The following ATL1 variants were observed in gnomAD, a reference collection of about 807,000 sequenced individuals.
ATL1 encodes the protein atlastin-1.
Under a neutral mutation model 75.5 loss-of-function variants are expected in ATL1, and 31 were observed. The observed-to-expected ratio is 0.41, with a 90% CI of 0.31 to 0.55. The LOEUF (loss-of-function observed/expected upper bound fraction) is 0.55, where lower values mean the gene tolerates loss of function less well. Ranked by LOEUF, ATL1 falls within the 20% of genes least tolerant of loss-of-function variation. The pLI, the probability that ATL1 is intolerant of heterozygous loss-of-function variation, is 0.27. For synonymous variants in ATL1, 226 were observed against 233.3 expected, an observed-to-expected ratio of 0.97 and a Z score of 0.28; for missense variants, 405 against 662.6, an observed-to-expected ratio of 0.61 and a Z score of 4.27.
chr14:50,579,390 T>A (rs1371054774), intron 1 of ATL1, among the ~76,000 whole-genome samples: 1 of 152,228 alleles, frequency 6.6e-6, no homozygotes, highest in Non-Finnish European at 1.5e-5. Context: ...TAGATTTTAA[T>A]TATCTATTGG....
chr14:50,595,871 A>G (rs1422253215), intron 6 of ATL1, among the ~76,000 whole-genome samples: 1 of 144,592 alleles, frequency 6.9e-6, no homozygotes, highest in Non-Finnish European at 1.5e-5. Context: ...TTCTGGTTCC[A>G]GGCAAAATGT....
Position 50,591,214 on chromosome 14 carries a change from A to G in ATL1, c.417+139A>G, listed in dbSNP as rs922069314. On this transcript the variant is annotated intron_variant, in intron 3 of 13. Coordinates refer to ENST00000358385, the MANE Select transcript of ATL1 (RefSeq NM_015915.5). ...TTAAAGTGGGGTAGCATCCTATAGC[A>G]TGATCTTTGTTTCCCTTTCTTGTGA... The G allele has an allele frequency of 3.5e-5, 29 of 831,316 alleles. No individual in the cohort carries two copies. The African/African-American group carries it at 3.9e-4, about 11-fold the overall frequency. The allele number at this position is 831,316 out of a possible 1,614,324, so 51.5% of individuals were successfully genotyped here.
chr14:50,592,913 CAAA>C (rs1172812271), intron 4 of ATL1, among the ~76,000 whole-genome samples: 3 of 85,420 alleles, frequency 3.5e-5, no homozygotes, highest in East Asian at 2.9e-4. Context: ...ACTCCCGTCT[CAAA>C]AAAAAAAAAA....
intron 1 of ATL1, among the ~76,000 whole-genome samples, chr14:50,581,212 C>A (rs928340804): frequency 4.6e-5 from 7 of 151,130 alleles, no homozygotes; most frequent in African/African-American, 1.7e-4. Flanking sequence ...TGTTTCTTGA[C>A]ATAGATATTA....
rs185825731 is a variant in ATL1, at chr14:50,613,911, T to A, written c.724-462T>A. 4.6e-3 allele frequency among the ~76,000 whole-genome samples: 704 copies of A among 152,300 alleles called. 8 individuals carry two copies. Among genetic ancestry groups the A allele is most frequent in the African/African-American group, 0.016 (673 of 41,560 alleles). On this transcript the variant is annotated intron_variant, in intron 7 of 13. Transcript: ENST00000358385. ...ACATAAAGTGGGAGGTGAGGGTGAT[T>A]TAGCTTGTAAGTAAACACCCAACTA...
chr14:50,620,817 A>C, intron 9 of ATL1, 91 bp downstream of exon 9: 1 of 1,442,532 alleles, frequency 6.9e-7, no homozygotes, highest in Middle Eastern at 1.8e-4. Flanking sequence ...ACCCGATAAT[A>C]TGGGAGCAAA....
intron 1 of ATL1, among the ~76,000 whole-genome samples, chr14:50,584,730 AAAAATAAAAT>A (rs902119204): frequency 6.6e-6 from 1 of 151,496 alleles, no homozygotes; most frequent in African/African-American, 2.4e-5. Context: ...TAAATAAATA[AAAAATAAAAT>A]AAAATAAAAT....
chr14:50,587,971 T>G lies in ATL1; in HGVS notation c.175T>G (p.Ser59Ala), dbSNP rs955736784. 1.2e-6 allele frequency: 2 copies of G among 1,614,184 alleles called. No individual in the cohort carries two copies. Among genetic ancestry groups the G allele is most frequent in the African/African-American group, 2.7e-5 (2 of 75,036 alleles). Residue 59 changes from serine (S) to alanine (A), a missense_variant, in exon 2 of 14, where the codon TCG becomes GCG. By Grantham distance (99) the Ser-to-Ala change is moderately conservative. Coordinates refer to ENST00000358385, the MANE Select transcript of ATL1 (RefSeq NM_015915.5). Reference sequence around the variant, plus strand: ...AACTGCATTAAATCGGATCCTTCTCTCGGAGGCTGTCAGAGACAAGGAGGT... The same window carrying G: ...AACTGCATTAAATCGGATCCTTCTCGCGGAGGCTGTCAGAGACAAGGAGGT... ...DETALNRILL[S>A]EAVRDKEVVA... is the part of the protein sequence containing the mutation.
intron 1 of ATL1, among the ~76,000 whole-genome samples, chr14:50,545,654 C>G (rs1210440311): frequency 6.6e-6 from 1 of 152,086 alleles, no homozygotes; most frequent in Non-Finnish European, 1.5e-5. Context: ...AAAATAGATA[C>G]AAAAGTTAAG....
intron 8 of ATL1, 131 bp from the exon 9 acceptor site, chr14:50,620,468 A>C (rs192740147): frequency 1.2e-4 from 114 of 974,832 alleles, no homozygotes; most frequent in Non-Finnish European, 1.7e-4. Context: ...GGAGTCGCTT[A>C]AATGATGGGG....
intron 1 of ATL1, among the ~76,000 whole-genome samples, chr14:50,570,145 T>C (rs1043718596): frequency 1.3e-5 from 2 of 152,218 alleles, no homozygotes; most frequent in African/African-American, 2.4e-5. Flanking sequence ...ACTTTCTCTT[T>C]CTTTTCTTCT....
intron 11 of ATL1, 106 bp downstream of exon 11, chr14:50,623,354 T>G: frequency 1.1e-6 from 1 of 876,082 alleles, no homozygotes; most frequent in South Asian, 1.4e-5. Flanking sequence ...TGCAATGAGG[T>G]GGCTTTGACT....
At chr14:50,534,052 C>T (rs17718872) in intron 1 of ATL1, among the ~76,000 whole-genome samples, 15,792 of 152,154 alleles carry the variant, frequency 0.1, 1,173 homozygotes, top group South Asian at 0.28. Context: ...CTTTTGGCTT[C>T]GATGACTCAA....
At chr14:50,592,899 C>T (rs1399305021) in intron 4 of ATL1, among the ~76,000 whole-genome samples, 3 of 120,470 alleles carry the variant, frequency 2.5e-5, no homozygotes, top group African/African-American at 6.7e-5. Context: ...GGTGACAGGG[C>T]GAGACTCCCG....
chr14:50,623,070 G>T lies in ATL1; in HGVS notation c.1048-107G>T. On this transcript the variant is annotated intron_variant, in intron 10 of 13. Coordinates refer to ENST00000358385, the MANE Select transcript of ATL1 (RefSeq NM_015915.5). ...AGTTTTAAATTATTTTGAGGACTTT[G>T]GTTTCTTGCACATTTCTTGCACATG... 5 of 854,850 alleles carry T rather than the reference G, an allele frequency of 5.8e-6. No individual in the cohort carries two copies. In the East Asian group the frequency reaches 1.0e-4, roughly 18 times the overall value. The allele number at this position is 854,850 out of a possible 1,614,324, so 53.0% of individuals were successfully genotyped here.
intron 1 of ATL1, among the ~76,000 whole-genome samples, chr14:50,580,702 C>G (rs557676175): frequency 6.6e-6 from 1 of 152,176 alleles, no homozygotes; most frequent in South Asian, 2.1e-4. Flanking sequence ...TTATTGGTAT[C>G]AGAGTTAGTC....
intron 6 of ATL1, among the ~76,000 whole-genome samples, chr14:50,603,826 A>G (rs1296747766): frequency 1.3e-5 from 2 of 152,194 alleles, no homozygotes; most frequent in Non-Finnish European, 2.9e-5. Context: ...ATGAAAAAAG[A>G]CAGCTGAGGA....
chr14:50,628,121 G>A lies in ATL1; in HGVS notation c.1210G>A (p.Gly404Arg), dbSNP rs1234630191. The A allele has an allele frequency of 6.2e-7, 1 of 1,614,214 alleles. No individual in the cohort carries two copies. The highest frequency in any genetic ancestry group is 1.1e-5 in the South Asian group (1 of 91,088). ...GGAAGAATCTGTGAAGCTATTCCGA[G>A]GGGTGAAGAAGATGGGTGGGGAAGA... ...LKEESVKLFR[G>R]VKKMGGEEFS... The change falls in exon 12 of 14, where the codon GGG becomes AGG. Residue 404 changes from glycine to arginine, a missense_variant. Physicochemically the swap from Gly to Arg is moderately radical, Grantham distance 125 (BLOSUM62 -2). Around this residue, in one of 5 missense-constraint regions of ATL1, gnomAD observed 163 missense variants for 244.1 expected, o/e 0.67. Coordinates refer to ENST00000358385, the MANE Select transcript of ATL1 (RefSeq NM_015915.5).
At chr14:50,607,335 T>C (rs1210495681) in intron 6 of ATL1, among the ~76,000 whole-genome samples, 1 of 152,070 alleles carries the variant, frequency 6.6e-6, no homozygotes, top group Non-Finnish European at 1.5e-5. Flanking sequence ...TGGTGAGGCA[T>C]AGTCTCATTG....
Sources: gnomAD v4.1 joint callset for allele counts (sites outside exome capture counted in the v4.1 genomes callset) on GRCh38, gnomAD v4.1.1 for gene constraint, gnomAD v4.1.1 regional missense constraint, MANE v1.5 for transcripts, NCBI Gene and HGNC (gene_info 2026-07-23, HGNC 2026-07-21) for gene names.